The following YAP1 variants were observed in gnomAD, a reference collection of about 807,000 sequenced individuals.
YAP1 encodes the protein Yes1 associated transcriptional regulator.
Under a neutral mutation model 56.9 loss-of-function variants are expected in YAP1, and 5 were observed. That is an observed-to-expected ratio of 0.09 (90% confidence interval 0.05 to 0.18). YAP1 has a LOEUF of 0.18. Among genes scored for constraint, YAP1 ranks in the 10% least tolerant of loss-of-function variants. YAP1 has a pLI of 1.00. For missense variants in YAP1, 539 were observed against 651.8 expected, an observed-to-expected ratio of 0.83 and a Z score of 1.88; for synonymous variants, 265 against 248.1, an observed-to-expected ratio of 1.07 and a Z score of -0.64.
intron 5 of YAP1, among the ~76,000 whole-genome samples, chr11:102,206,428 T>A (rs1949123045): frequency 6.6e-6 from 1 of 152,234 alleles, no homozygotes; most frequent in Admixed American, 6.5e-5. Flanking sequence ...TTCTAGAACA[T>A]CACTCAGGAG....
chr11:102,116,480 T>C (rs1312703907), intron 2 of YAP1, among the ~76,000 whole-genome samples: 1 of 152,188 alleles, frequency 6.6e-6, no homozygotes, highest in African/African-American at 2.4e-5. Flanking sequence ...TGAAGAAATG[T>C]TTCTCTTAAA....
intron 2 of YAP1, among the ~76,000 whole-genome samples, chr11:102,136,731 GT>G (rs1463273586): frequency 1.3e-5 from 2 of 152,040 alleles, no homozygotes; most frequent in South Asian, 4.1e-4. Context: ...GAGTGTAGGA[GT>G]TTTTTTCTCA....
chr11:102,162,842 C>T (rs969937295), intron 3 of YAP1, among the ~76,000 whole-genome samples: 2 of 152,130 alleles, frequency 1.3e-5, no homozygotes, highest in African/African-American at 4.8e-5. Context: ...ATTTGTAGTT[C>T]TGTTAATTTT....
chr11:102,110,913 A>G lies in YAP1; in HGVS notation c.65A>G (p.Gln22Arg). Residue 22 changes from glutamine (Q) to arginine (R), a missense_variant, in exon 1 of 9, where the codon CAG becomes CGG. Coordinates refer to ENST00000282441, the MANE Select transcript of YAP1 (RefSeq NM_001130145.3). ...CAGGGCCAAGGGCAGCCGCCTTCGC[A>G]GCCCCCGCAGGGGCAGGGCCCGCCG... is the stretch of plus-strand genomic sequence containing the variant. ...APQGQGQPPS[Q>R]PPQGQGPPSG... is the part of the protein sequence containing the mutation. The G allele has an allele frequency of 7.0e-7, 1 of 1,434,304 alleles. No homozygotes were observed. Among genetic ancestry groups the G allele is most frequent in the Non-Finnish European group, 9.1e-7 (1 of 1,094,270 alleles). The allele number at this position is 1,434,304 out of a possible 1,614,324, so 88.8% of individuals were successfully genotyped here.
chr11:102,150,265 T>G (rs1328812417), intron 2 of YAP1, among the ~76,000 whole-genome samples: 2 of 152,098 alleles, frequency 1.3e-5, no homozygotes, highest in East Asian at 1.9e-4. Flanking sequence ...ATTACAGGTG[T>G]GAGCCACTGC....
In YAP1 at chr11:102,231,086, G is replaced by A. The variant is rs1185765298; in HGVS notation, c.*1146G>A. On this transcript the variant is annotated 3_prime_UTR_variant, in exon 9 of 9. Coordinates refer to ENST00000282441, the MANE Select transcript of YAP1 (RefSeq NM_001130145.3). ...GTGTTCTAGAAAGAGCTATTACTGTGGATAGTGCCTAGGGGAGTGCTCCAC... is the reference window on the plus strand; with the variant it reads ...GTGTTCTAGAAAGAGCTATTACTGTAGATAGTGCCTAGGGGAGTGCTCCAC... The A allele has an allele frequency of 1.3e-5, 2 of 152,210 alleles. No homozygotes were observed. The highest frequency in any genetic ancestry group is 2.9e-5 in the Non-Finnish European group (2 of 68,054). The allele number at this position is 152,210 out of a possible 1,614,324, so 9.4% of individuals were successfully genotyped here.
chr11:102,116,698 A>G (rs549317393), intron 2 of YAP1, among the ~76,000 whole-genome samples: 1 of 152,332 alleles, frequency 6.6e-6, no homozygotes, highest in East Asian at 1.9e-4. Context: ...GAGATAAGAC[A>G]TGATTGTTGT....
chr11:102,134,073 C>T (rs1319754492), intron 2 of YAP1, among the ~76,000 whole-genome samples: 1 of 152,226 alleles, frequency 6.6e-6, no homozygotes, highest in Non-Finnish European at 1.5e-5. Flanking sequence ...CTCCAAATGT[C>T]AGCACATTGA....
At chr11:102,157,527 A>C (rs1482093943) in intron 2 of YAP1, among the ~76,000 whole-genome samples, 1 of 152,196 alleles carries the variant, frequency 6.6e-6, no homozygotes, top group Non-Finnish European at 1.5e-5. Context: ...ACAATATTAA[A>C]AGCTTAAAAC....
At chr11:102,111,726 G>T (rs1400912241) in intron 1 of YAP1, among the ~76,000 whole-genome samples, 1 of 152,180 alleles carries the variant, frequency 6.6e-6, no homozygotes, top group East Asian at 1.9e-4. Flanking sequence ...TCAGTCTCCT[G>T]GGGGAGTCAA....
intron 5 of YAP1, among the ~76,000 whole-genome samples, chr11:102,208,634 AAAAAG>A (rs1443387854): frequency 6.6e-6 from 1 of 152,186 alleles, no homozygotes; most frequent in Non-Finnish European, 1.5e-5. Flanking sequence ...TAATAGAAAA[AAAAAG>A]AGCAGTTTTA....
At chr11:102,226,684 T>G (rs1445145269) in intron 7 of YAP1, among the ~76,000 whole-genome samples, 3 of 152,242 alleles carry the variant, frequency 2.0e-5, no homozygotes, top group Non-Finnish European at 4.4e-5. Context: ...GAAACCTTAC[T>G]TAGTCTAAAG....
At chr11:102,207,130 T>A (rs566122503) in intron 5 of YAP1, among the ~76,000 whole-genome samples, 97 of 152,308 alleles carry the variant, frequency 6.4e-4, no homozygotes, top group African/African-American at 2.3e-3. Context: ...TAGATATTTT[T>A]AAATTTCCAT....
intron 3 of YAP1, among the ~76,000 whole-genome samples, chr11:102,164,148 G>A (rs866149067): frequency 9.3e-5 from 14 of 150,868 alleles, no homozygotes; most frequent in African/African-American, 3.4e-4. Flanking sequence ...AGTGATTCTC[G>A]CGCCTCAGCC....
chr11:102,185,870 C>T, intron 3 of YAP1, 148 bp from the exon 4 acceptor site: 2 of 722,348 alleles, frequency 2.8e-6, no homozygotes, highest in Non-Finnish European at 4.2e-6. Flanking sequence ...ATAGGTTTAC[C>T]TTTCTTCTCT....
At position 102,179,565 on chromosome 11, in the gene YAP1, C is replaced by T. The variant is rs147186304; in HGVS notation, c.689-6453C>T. On this transcript the variant is annotated intron_variant, in intron 3 of 8. Coordinates refer to ENST00000282441, the MANE Select transcript of YAP1 (RefSeq NM_001130145.3). ...TGCCCCTGCCTGGAATGCCCATGCC[C>T]GGAATGTCACATGTTTGGCTAGGAG... Among the ~76,000 whole-genome samples the T allele has an allele frequency of 4.7e-3, 714 of 152,262 alleles. 6 individuals are homozygous for T. The highest frequency in any genetic ancestry group is 0.016 in the African/African-American group (683 of 41,570).
At chr11:102,183,422 GA>G (rs1249342255) in intron 3 of YAP1, among the ~76,000 whole-genome samples, 24 of 152,222 alleles carry the variant, frequency 1.6e-4, no homozygotes, top group African/African-American at 5.8e-4. Context: ...TTTAAAAGAT[GA>G]ATCGAAAATA....
chr11:102,174,052 G>C (rs948932729), intron 3 of YAP1, among the ~76,000 whole-genome samples: 1 of 152,182 alleles, frequency 6.6e-6, no homozygotes, highest in African/African-American at 2.4e-5. Flanking sequence ...TGGGACCTGA[G>C]ATTCTGCATT....
chr11:102,115,237 C>G (rs1269541576), intron 2 of YAP1, among the ~76,000 whole-genome samples: 1 of 152,034 alleles, frequency 6.6e-6, no homozygotes, highest in Non-Finnish European at 1.5e-5. Flanking sequence ...TTGACTAAAA[C>G]TAATTATGAT....
Sources: allele counts gnomAD v4.1 joint callset (sites outside exome capture counted in the v4.1 genomes callset), GRCh38; gene constraint gnomAD v4.1.1; transcripts MANE v1.5; gene names NCBI Gene and HGNC (gene_info 2026-07-23, HGNC 2026-07-21).